Variants in TRPM6 observed in about 807,000 individuals in gnomAD.
TRPM6 encodes transient receptor potential cation channel subfamily M member 6.
In TRPM6, 111 loss-of-function variants were observed where a neutral mutation model predicts 247.6. The observed-to-expected ratio is 0.45, with a 90% CI of 0.38 to 0.52. TRPM6 has a LOEUF of 0.52. Ranked by LOEUF, TRPM6 falls within the 20% of genes least tolerant of loss-of-function variation. The pLI, the probability that TRPM6 is intolerant of heterozygous loss-of-function variation, is 0.00. For missense variants in TRPM6, 2,126 were observed against 2,421.5 expected (o/e 0.88, Z 2.56); for synonymous variants, 892 against 853.8 (o/e 1.04, Z -0.78).
intron 2 of TRPM6, among the ~76,000 whole-genome samples, chr9:74,857,502 C>T (rs1564053319): frequency 6.6e-6 from 1 of 152,144 alleles, no homozygotes; most frequent in Non-Finnish European, 1.5e-5. Context: ...ATTTCACAGA[C>T]CTGATTACCC....
intron 1 of TRPM6, among the ~76,000 whole-genome samples, chr9:74,860,814 TC>T (rs1830671485): frequency 6.6e-6 from 1 of 152,136 alleles, no homozygotes; most frequent in African/African-American, 2.4e-5. Flanking sequence ...GCCCAGGACT[TC>T]CAGACCAGCC....
intron 3 of TRPM6, among the ~76,000 whole-genome samples, chr9:74,844,969 G>C (rs770810626): frequency 5.9e-5 from 9 of 152,190 alleles, no homozygotes; most frequent in Non-Finnish European, 8.8e-5. Flanking sequence ...TAGAGGGAGA[G>C]AGACAGGATC....
chr9:74,793,407 G>A (rs1015189417), intron 18 of TRPM6, among the ~76,000 whole-genome samples: 4 of 151,996 alleles, frequency 2.6e-5, no homozygotes, highest in African/African-American at 7.3e-5. Flanking sequence ...GGGTGCAATG[G>A]CGTGGTCTCG....
chr9:74,882,545 C>T, intron 1 of TRPM6, among the ~76,000 whole-genome samples: 1 of 152,092 alleles, frequency 6.6e-6, no homozygotes, highest in Admixed American at 6.6e-5. Flanking sequence ...AAATGCAAAT[C>T]AAAACCACAA....
chr9:74,868,126 C>A (rs1830911217), intron 1 of TRPM6, among the ~76,000 whole-genome samples: 1 of 150,556 alleles, frequency 6.6e-6, no homozygotes, highest in Non-Finnish European at 1.5e-5. Context: ...TGTACTCCAG[C>A]CTGACAGAGC....
At chr9:74,776,136 G>A in intron 23 of TRPM6, 60 bp from the exon 24 acceptor site, 2 of 1,464,818 alleles carry the variant, frequency 1.4e-6, no homozygotes, top group Admixed American at 1.7e-5. Flanking sequence ...AGGTAACAGA[G>A]TCTATATTTT....
intron 3 of TRPM6, among the ~76,000 whole-genome samples, chr9:74,853,433 G>A (rs892994552): frequency 2.0e-5 from 3 of 152,244 alleles, no homozygotes; most frequent in Non-Finnish European, 4.4e-5. Context: ...GAAATGTGGG[G>A]AAAAGGAAGA....
At chr9:74,843,803 A>G (rs1247938153) in intron 3 of TRPM6, among the ~76,000 whole-genome samples, 6 of 149,788 alleles carry the variant, frequency 4.0e-5, no homozygotes, top group African/African-American at 1.5e-4. Context: ...CGACAAAGCA[A>G]GACTCCATCT....
intron 13 of TRPM6, among the ~76,000 whole-genome samples, chr9:74,809,976 CAAA>C (rs57812269): frequency 2.4e-3 from 82 of 33,564 alleles, no homozygotes; most frequent in African/African-American, 6.2e-3. Flanking sequence ...AACTCCATCT[CAAA>C]AAAAAAAAAA....
intron 27 of TRPM6, among the ~76,000 whole-genome samples, chr9:74,760,708 T>C (rs565779230): frequency 2.6e-5 from 4 of 152,220 alleles, no homozygotes; most frequent in South Asian, 2.1e-4. Context: ...AGTGCTATGA[T>C]TTGAACGTTT....
chr9:74,865,381 G>T (rs1830815944), intron 1 of TRPM6, among the ~76,000 whole-genome samples: 1 of 152,136 alleles, frequency 6.6e-6, no homozygotes, highest in African/African-American at 2.4e-5. Context: ...GTCTCCTGGG[G>T]AATAAAACAT....
chr9:74,834,947 T>G (rs1829674942), intron 5 of TRPM6, among the ~76,000 whole-genome samples: 1 of 152,188 alleles, frequency 6.6e-6, no homozygotes, highest in Admixed American at 6.5e-5. Context: ...TTTGGGTATA[T>G]ACCCAGTAAT....
chr9:74,843,883 T>C (rs1236263720), intron 3 of TRPM6, among the ~76,000 whole-genome samples: 1 of 151,594 alleles, frequency 6.6e-6, no homozygotes, highest in African/African-American at 2.4e-5. Context: ...GGCTGCAGAA[T>C]GGATGTTGTG....
intron 27 of TRPM6, among the ~76,000 whole-genome samples, chr9:74,757,800 C>G (rs1826480803): frequency 6.6e-6 from 1 of 152,020 alleles, no homozygotes; most frequent in South Asian, 2.1e-4. Context: ...GTAATCCCAG[C>G]TACTTGGGAG....
chr9:74,739,725 T>C lies in TRPM6; in HGVS notation c.5485A>G (p.Arg1829Gly), dbSNP rs996824780. 67 of 1,611,714 alleles carry C rather than the reference T, an allele frequency of 4.2e-5. No individual in the cohort carries two copies. The highest frequency in any genetic ancestry group is 5.7e-5 in the Non-Finnish European group (67 of 1,180,004). Residue 1829 changes from arginine to glycine, a missense_variant and splice_region_variant, in exon 34 of 39, where the codon AGG becomes GGG. Physicochemically the swap from Arg to Gly is moderately radical, Grantham distance 125. Transcript: ENST00000360774. The part of the protein sequence containing the change: ...QESTVLHLCL[R>G]EIQQQRAAQK... Reference sequence around the variant, plus strand: ...GGGTCTCTGAGTTTCAGACTTACCCTGAGGCAAAGATGAAGCACAGTGCTC... The same window carrying C: ...GGGTCTCTGAGTTTCAGACTTACCCCGAGGCAAAGATGAAGCACAGTGCTC...
In TRPM6 at chr9:74,840,178, C is replaced by A. The variant is rs140236011; in HGVS notation, c.390G>T (p.Glu130Asp). The A allele has an allele frequency of 6.4e-5, 104 of 1,614,192 alleles. No individual in the cohort carries two copies. The highest frequency in any genetic ancestry group is 8.6e-5 in the Non-Finnish European group (102 of 1,180,008). Reference sequence around the variant, plus strand: ...CAAGCTTGGGCAGTTCCATTTTCCACTCTTTCAACATTAAATGTAACAGAT... The same window carrying A: ...CAAGCTTGGGCAGTTCCATTTTCCAATCTTTCAACATTAAATGTAACAGAT... Reference protein sequence around the residue: ...LDHLLHLMLKEWKMELPKLVI... With the variant: ...LDHLLHLMLKDWKMELPKLVI... The change falls in exon 5 of 39, where the codon GAG (glutamate) becomes GAT (aspartate). Residue 130 changes from glutamate (E) to aspartate (D), a missense_variant. Transcript: ENST00000360774.
rs1032681509 is a variant in TRPM6 at position 74,818,598 on chromosome 9, C to T, written c.1135-1634G>A. On this transcript the variant is annotated intron_variant, in intron 9 of 38. Transcript: ENST00000360774. ...GATTATAGGCGTGAGCCAACGTGTC[C>T]GAGCATATCTGTCATTTCTTAACTG... Among the ~76,000 whole-genome samples the T allele has an allele frequency of 1.1e-4, 17 of 152,130 alleles. No homozygotes were observed. In the East Asian group the frequency reaches 1.2e-3, roughly 10 times the overall value.
At chr9:74,748,962 C>T (rs576682032) in intron 30 of TRPM6, among the ~76,000 whole-genome samples, 188 of 152,238 alleles carry the variant, frequency 1.2e-3, no homozygotes, top group Admixed American at 2.2e-3. Context: ...TTGTAAGCAT[C>T]CTATACAGGT....
intron 25 of TRPM6, among the ~76,000 whole-genome samples, chr9:74,765,311 T>C (rs565843231): frequency 8.6e-5 from 13 of 150,692 alleles, no homozygotes; most frequent in East Asian, 3.9e-4. Flanking sequence ...ACAAAGTATA[T>C]GTAATTAATT....
Sources: allele counts gnomAD v4.1 joint callset (sites outside exome capture counted in the v4.1 genomes callset), GRCh38; gene constraint gnomAD v4.1.1; transcripts MANE v1.5; gene names NCBI Gene and HGNC (gene_info 2026-07-23, HGNC 2026-07-21).